SRGAP2: variants seen among roughly 807,000 people sequenced by gnomAD.
SRGAP2 encodes SLIT-ROBO Rho GTPase-activating protein 2.
A neutral mutation model predicts 57.2 loss-of-function variants in SRGAP2; 15 were observed. The ratio of observed to expected loss-of-function variants is 0.26; its 90% CI spans 0.18 to 0.40. The LOEUF (loss-of-function observed/expected upper bound fraction) is 0.40. Ranked by LOEUF, SRGAP2 falls within the 10% of genes least tolerant of loss-of-function variation. The pLI is 1.00. For missense variants in SRGAP2, 520 were observed against 669.6 expected (o/e 0.78, Z 2.47); for synonymous variants, 249 against 248.0 (o/e 1.00, Z -0.04).
intron 13 of SRGAP2, among the ~76,000 whole-genome samples, chr1:206,424,431 G>T (rs1660614401): frequency 6.6e-6 from 1 of 152,192 alleles, no homozygotes; most frequent in African/African-American, 2.4e-5. Context: ...CAGATGGGCG[G>T]ATCACCTGAG....
chr1:206,307,954 C>T (rs1297311224), intron 3 of SRGAP2, among the ~76,000 whole-genome samples: 6 of 152,132 alleles, frequency 3.9e-5, no homozygotes, highest in Non-Finnish European at 8.8e-5. Flanking sequence ...AAGTGGGAGC[C>T]CAGGCAGGGG....
At chr1:206,456,929 G>A (rs935522973) in intron 21 of SRGAP2, among the ~76,000 whole-genome samples, 4 of 152,170 alleles carry the variant, frequency 2.6e-5, no homozygotes, top group Non-Finnish European at 5.9e-5. Flanking sequence ...GACTCAGTCC[G>A]AAGACTTAGC....
intron 2 of SRGAP2, among the ~76,000 whole-genome samples, chr1:206,229,400 C>T (rs1667479525): frequency 6.6e-6 from 1 of 151,534 alleles, no homozygotes; most frequent in African/African-American, 2.5e-5. Context: ...ATTAACAACT[C>T]ATTAAAACTC....
Position 206,454,502 on chromosome 1 carries a change from A to G in SRGAP2, c.2361-376A>G. On this transcript the variant is annotated intron_variant, in intron 20 of 22. Transcript: ENST00000573034. This position sits in a 1 kb window ranked among gnomAD's most constrained non-coding sequence, Gnocchi z 4.3. ...TGACTGTCCTTACCCGGCAGTGCTC[A>G]GGACCTCAGCCGATAAACCACAACC... 2.3e-6 allele frequency: 1 copy of G among 431,050 alleles called. No individual in the cohort carries two copies. Among genetic ancestry groups the G allele is most frequent in the East Asian group, 4.2e-5 (1 of 24,016 alleles). 26.7% of individuals were successfully genotyped at this position (431,050 alleles called of 1,614,324 possible).
At chr1:206,447,591 G>A (rs1053937803) in intron 18 of SRGAP2, among the ~76,000 whole-genome samples, 2 of 152,142 alleles carry the variant, frequency 1.3e-5, no homozygotes, top group African/African-American at 4.8e-5. Flanking sequence ...GGAGGTTGTT[G>A]GTCACTTTAG....
chr1:206,437,484 A>G (rs1326990373), intron 15 of SRGAP2: 7 of 177,666 alleles, frequency 3.9e-5, no homozygotes, highest in East Asian at 1.5e-4. Flanking sequence ...GGTTGGCCCT[A>G]TCATTAAATC....
At chr1:206,216,330 G>T (rs868979683) in intron 2 of SRGAP2, among the ~76,000 whole-genome samples, 24 of 152,278 alleles carry the variant, frequency 1.6e-4, no homozygotes, top group Middle Eastern at 6.8e-3. Flanking sequence ...TGAAATTCCC[G>T]AGAGTTTAAA....
chr1:206,374,173 C>G (rs1231501712), intron 4 of SRGAP2, among the ~76,000 whole-genome samples: 5 of 151,278 alleles, frequency 3.3e-5, no homozygotes, highest in African/African-American at 1.2e-4. Flanking sequence ...TACAGGCGCC[C>G]GCCACTACGC....
rs1572220336 is a variant in SRGAP2, at chr1:206,463,275, C to G, written c.*1855C>G. On this transcript the variant is annotated 3_prime_UTR_variant, in exon 23 of 23. Coordinates refer to ENST00000573034, the MANE Select transcript of SRGAP2 (RefSeq NM_015326.5). The stretch of plus-strand genomic sequence containing the variant: ...AGGCAGGAGAACTGAAGAACTCTTT[C>G]AGTGAAGTGAGTCAGCCTAGAAGAG... The G allele has an allele frequency of 6.6e-6, 1 of 152,540 alleles. No homozygotes were observed. The highest frequency in any genetic ancestry group is 1.5e-5 in the Non-Finnish European group (1 of 68,030). 9.4% of individuals were successfully genotyped at this position (152,540 alleles called of 1,614,324 possible). A position where few individuals can be genotyped will look rare whatever the true frequency, so the allele number is the denominator to read the frequency against.
At chr1:206,208,722 T>C (rs1666117977) in intron 2 of SRGAP2, among the ~76,000 whole-genome samples, 1 of 152,048 alleles carries the variant, frequency 6.6e-6, no homozygotes, top group Admixed American at 6.6e-5. Flanking sequence ...GTGTCAGCTT[T>C]TTGTGTGTTA....
At chr1:206,365,972 G>A (rs1653966958) in intron 4 of SRGAP2, among the ~76,000 whole-genome samples, 1 of 152,028 alleles carries the variant, frequency 6.6e-6, no homozygotes, top group African/African-American at 2.4e-5. Context: ...GTGACAAGGA[G>A]CTCTTTTTTC....
At position 206,446,315 on chromosome 1, in the gene SRGAP2, A is replaced by T. The variant is rs375193441; in HGVS notation, c.2099+16A>T. 1.3e-6 allele frequency: 1 copy of T among 780,122 alleles called. No individual in the cohort carries two copies. Among genetic ancestry groups the T allele is most frequent in the African/African-American group, 1.7e-5 (1 of 59,114 alleles). 48.3% of individuals were successfully genotyped at this position (780,122 alleles called of 1,614,324 possible). ...AGGATTACTGGTAGGGGGGCTTGGG[A>T]CGGGAGGAGGGGAGGGATTCACTAG... On this transcript the variant is annotated intron_variant, in intron 18 of 22. Coordinates refer to ENST00000573034, the MANE Select transcript of SRGAP2 (RefSeq NM_015326.5).
intron 2 of SRGAP2, among the ~76,000 whole-genome samples, chr1:206,222,763 A>G (rs1553304970): frequency 6.6e-6 from 1 of 152,142 alleles, no homozygotes; most frequent in East Asian, 1.9e-4. Flanking sequence ...GGGAAGATAT[A>G]TGTATATTTC....
At chr1:206,458,527 G>T (rs1664017202) in intron 21 of SRGAP2, 96 bp from the exon 22 acceptor site, 1 of 688,720 alleles carries the variant, frequency 1.5e-6, no homozygotes, top group Admixed American at 2.2e-5. Context: ...TCCTTCCGAA[G>T]TCCCTGGGTG....
intron 13 of SRGAP2, among the ~76,000 whole-genome samples, chr1:206,428,843 A>G (rs1661039935): frequency 6.6e-6 from 1 of 152,026 alleles, no homozygotes; most frequent in Non-Finnish European, 1.5e-5. Flanking sequence ...TAGTAGAGAC[A>G]GAGTCTGTTG....
At chr1:206,408,834 A>G (rs1318109922) in intron 10 of SRGAP2, among the ~76,000 whole-genome samples, 5 of 151,838 alleles carry the variant, frequency 3.3e-5, no homozygotes, top group African/African-American at 1.2e-4. Flanking sequence ...CAATACATTG[A>G]TGTCCTCTAA....
Position 206,455,270 on chromosome 1 carries a change from G to A in SRGAP2, c.2507+246G>A, listed in dbSNP as rs1402692659. The A allele has an allele frequency of 3.3e-5, 18 of 543,216 alleles. No homozygotes were observed. In the Middle Eastern group the frequency reaches 1.4e-3, roughly 43 times the overall value. 33.6% of individuals were successfully genotyped at this position (543,216 alleles called of 1,614,324 possible). The stretch of plus-strand genomic sequence containing the variant: ...GCTGTGGAAGGGTGCTTTACTGTGT[G>A]TTCCCGCAGTGTCTGTCCACCCAGA... On this transcript the variant is annotated intron_variant, in intron 21 of 22. Coordinates refer to ENST00000573034, the MANE Select transcript of SRGAP2 (RefSeq NM_015326.5).
chr1:206,225,784 T>C (rs1174882721), intron 2 of SRGAP2, among the ~76,000 whole-genome samples: 1 of 152,284 alleles, frequency 6.6e-6, no homozygotes, highest in African/African-American at 2.4e-5. Context: ...GCATTTTCTT[T>C]CCCTGTGCCC....
chr1:206,415,326 G>A (rs184188265), intron 10 of SRGAP2, among the ~76,000 whole-genome samples: 7 of 152,316 alleles, frequency 4.6e-5, no homozygotes, highest in East Asian at 3.9e-4. Flanking sequence ...AGCCCCTTCC[G>A]CTGAGTGCTC....
Sources: gnomAD v4.1 joint callset for allele counts (sites outside exome capture counted in the v4.1 genomes callset) on GRCh38, gnomAD v4.1.1 for gene constraint, Gnocchi (gnomAD v3.1) non-coding constraint, MANE v1.5 for transcripts, NCBI Gene and HGNC (gene_info 2026-07-23, HGNC 2026-07-21) for gene names.